The following DACH1 variants were observed in gnomAD, a reference collection of about 807,000 sequenced individuals.
The protein encoded by DACH1 is dachshund family transcription factor 1.
Under a neutral mutation model 54.2 loss-of-function variants are expected in DACH1, and 12 were observed. That is an observed-to-expected ratio of 0.22 (90% CI 0.14 to 0.36). The LOEUF (loss-of-function observed/expected upper bound fraction) is 0.36. Ranked by LOEUF, DACH1 falls within the 10% of genes least tolerant of loss-of-function variation. The probability of loss-of-function intolerance (pLI) is 1.00; values close to 1 mark genes in which losing one functional copy is unlikely to be tolerated. For synonymous variants in DACH1, 386 were observed against 366.2 expected, an observed-to-expected ratio of 1.05 and a Z score of -0.62; for missense variants, 805 against 929.8, an observed-to-expected ratio of 0.87 and a Z score of 1.75.
chr13:71,686,315 A>C (rs1881158083), intron 1 of DACH1, among the ~76,000 whole-genome samples: 1 of 152,090 alleles, frequency 6.6e-6, no homozygotes, highest in African/African-American at 2.4e-5. Context: ...TAGGGAACTC[A>C]CCCAAGCACA....
intron 2 of DACH1, among the ~76,000 whole-genome samples, chr13:71,660,853 T>C (rs1879438687): frequency 1.3e-5 from 2 of 151,580 alleles, no homozygotes. Flanking sequence ...CTAGCTGTTA[T>C]AGAAGAAATA....
chr13:71,622,905 A>C (rs1353569739), intron 3 of DACH1, among the ~76,000 whole-genome samples: 1 of 151,842 alleles, frequency 6.6e-6, no homozygotes, highest in African/African-American at 2.4e-5. Context: ...AAAACATTGC[A>C]TAATATTTTT....
Position 71,467,542 on chromosome 13 carries a change from T to C in DACH1, c.2083+7599A>G, listed in dbSNP as rs537237321. Among the ~76,000 whole-genome samples, 19 of 151,334 alleles carry C rather than the reference T, an allele frequency of 1.3e-4. No homozygotes were observed. The East Asian group carries it at 1.4e-3, about 11-fold the overall frequency. On this transcript the variant is annotated intron_variant, in intron 10 of 10. Transcript: ENST00000613252. ...ATAAAAAAGAATAAAATATTTATGC[T>C]GAAATAAAAAAAATTCTAAAATTTT... is the stretch of plus-strand genomic sequence containing the variant.
At chr13:71,755,218 C>G (rs1885094261) in intron 1 of DACH1, among the ~76,000 whole-genome samples, 2 of 152,008 alleles carry the variant, frequency 1.3e-5, no homozygotes. Context: ...CAAGAAAAAT[C>G]TGTTTATGAG....
chr13:71,785,870 T>G (rs1361391029), intron 1 of DACH1, among the ~76,000 whole-genome samples: 1 of 152,208 alleles, frequency 6.6e-6, no homozygotes, highest in Non-Finnish European at 1.5e-5. Context: ...TTGCACTGTC[T>G]ACTCAACTAT....
At chr13:71,763,649 T>C (rs1885494854) in intron 1 of DACH1, among the ~76,000 whole-genome samples, 1 of 152,144 alleles carries the variant, frequency 6.6e-6, no homozygotes, top group African/African-American at 2.4e-5. Flanking sequence ...AGGTGCACAT[T>C]ACTGCACCTG....
At chr13:71,846,787 C>T (rs938567209) in intron 1 of DACH1, among the ~76,000 whole-genome samples, 1 of 152,208 alleles carries the variant, frequency 6.6e-6, no homozygotes, top group African/African-American at 2.4e-5. Context: ...ACTAACTGCT[C>T]TGATCTTTAG....
At position 71,497,222 on chromosome 13, in the gene DACH1, A is replaced by C. The variant is rs537156065; in HGVS notation, c.1571-8074T>G. 5.0e-4 allele frequency among the ~76,000 whole-genome samples: 76 copies of C among 152,328 alleles called. 2 individuals carry two copies. Among genetic ancestry groups the C allele is most frequent in the Admixed American group, 5.0e-3 (76 of 15,288 alleles). The stretch of plus-strand genomic sequence containing the variant: ...ATTAATATAAAGTATGAATGGATGA[A>C]TAATTAACAAATAATCCAATCAATT... On this transcript the variant is annotated intron_variant, in intron 6 of 10. Transcript: ENST00000613252.
chr13:71,452,574 G>A (rs912795185), intron 10 of DACH1, among the ~76,000 whole-genome samples: 2 of 152,030 alleles, frequency 1.3e-5, no homozygotes, highest in Admixed American at 6.6e-5. Flanking sequence ...CTGGTCATAC[G>A]GACAGTGTTC....
At chr13:71,806,440 C>G (rs1476598796) in intron 1 of DACH1, among the ~76,000 whole-genome samples, 2 of 152,054 alleles carry the variant, frequency 1.3e-5, no homozygotes, top group East Asian at 3.9e-4. Flanking sequence ...AGAACATAAG[C>G]TGACAATTTC....
At chr13:71,510,348 T>TTTTC (rs1880681401) in intron 6 of DACH1, among the ~76,000 whole-genome samples, 1 of 152,002 alleles carries the variant, frequency 6.6e-6, no homozygotes, top group Admixed American at 6.6e-5. Context: ...TTGCCTGAAG[T>TTTTC]GCCCTCATCT....
intron 7 of DACH1, among the ~76,000 whole-genome samples, chr13:71,480,310 A>G (rs1877918153): frequency 6.6e-6 from 1 of 152,218 alleles, no homozygotes; most frequent in South Asian, 2.1e-4. Flanking sequence ...CTTCTAGGAA[A>G]TGATTAGACA....
In DACH1 at chr13:71,726,831, T is replaced by G. The variant is rs534108275; in HGVS notation, c.849-44921A>C. 4.6e-5 allele frequency among the ~76,000 whole-genome samples: 7 copies of G among 152,174 alleles called. 1 individual carries two copies. Among genetic ancestry groups the G allele is most frequent in the African/African-American group, 1.7e-4 (7 of 41,584 alleles). On this transcript the variant is annotated intron_variant, in intron 1 of 10. Coordinates refer to ENST00000613252, the MANE Select transcript of DACH1 (RefSeq NM_080759.6). Reference sequence around the variant, plus strand: ...CTCTTATTAAACAATTCTTTAGCTCTGGTATATTTTTTAGTAAAGTTTTAA... The same window carrying G: ...CTCTTATTAAACAATTCTTTAGCTCGGGTATATTTTTTAGTAAAGTTTTAA...
intron 1 of DACH1, among the ~76,000 whole-genome samples, chr13:71,689,946 A>T (rs1881390314): frequency 6.6e-6 from 1 of 152,204 alleles, no homozygotes; most frequent in South Asian, 2.1e-4. Flanking sequence ...TATGTATATT[A>T]GTTATACTAA....
At position 71,749,757 on chromosome 13, in the gene DACH1, C is replaced by T. The variant is rs139740906; in HGVS notation, c.849-67847G>A. On this transcript the variant is annotated intron_variant, in intron 1 of 10. Transcript: ENST00000613252. ...AGTCGTTTATACCATTCTGTGAACC[C>T]GACTAAGGAACACGAGTTCCGTAAC... is the stretch of plus-strand genomic sequence containing the variant. Among the ~76,000 whole-genome samples the T allele has an allele frequency of 5.1e-4, 77 of 152,134 alleles. 1 individual carries two copies. In the East Asian group the frequency reaches 8.3e-3, roughly 16 times the overall value.
intron 3 of DACH1, among the ~76,000 whole-genome samples, chr13:71,594,734 C>T (rs1163447050): frequency 2.0e-5 from 3 of 152,048 alleles, no homozygotes; most frequent in Non-Finnish European, 2.9e-5. Context: ...TATCAACAAA[C>T]CGGCCCCTAG....
At chr13:71,672,709 G>A (rs1265206565) in intron 2 of DACH1, among the ~76,000 whole-genome samples, 1 of 152,098 alleles carries the variant, frequency 6.6e-6, no homozygotes, top group South Asian at 2.1e-4. Context: ...AGGAAGGGAC[G>A]TAAGATACCA....
intron 4 of DACH1, among the ~76,000 whole-genome samples, chr13:71,569,178 T>C (rs1000981479): frequency 1.9e-4 from 29 of 152,126 alleles, no homozygotes; most frequent in Admixed American, 1.8e-3. Flanking sequence ...ATTTTAATTT[T>C]TTTTTCTACT....
At chr13:71,820,444 C>A (rs184681736) in intron 1 of DACH1, among the ~76,000 whole-genome samples, 1 of 152,230 alleles carries the variant, frequency 6.6e-6, no homozygotes, top group Admixed American at 6.5e-5. Context: ...AAAGCCTTGA[C>A]CAGGGCTTTG....
Sources: allele counts gnomAD v4.1 joint callset (sites outside exome capture counted in the v4.1 genomes callset), GRCh38; gene constraint gnomAD v4.1.1; transcripts MANE v1.5; gene names NCBI Gene and HGNC (gene_info 2026-07-23, HGNC 2026-07-21).